The following BCAS3 variants were observed in gnomAD, a reference collection of about 807,000 sequenced individuals.
The protein encoded by BCAS3 is BCAS3 microtubule associated cell migration factor, also known as BCAS4/BCAS3 fusion.
Under a neutral mutation model 116.1 loss-of-function variants are expected in BCAS3, and 53 were observed. The observed-to-expected ratio is 0.46, with a 90% CI of 0.37 to 0.57. The LOEUF (loss-of-function observed/expected upper bound fraction) is 0.57, where lower values mean the gene tolerates loss of function less well. BCAS3 is among the 20% of genes least tolerant of loss of function. The pLI, the probability that BCAS3 is intolerant of heterozygous loss-of-function variation, is 0.00. For synonymous variants in BCAS3, 391 were observed against 408.2 expected (o/e 0.96, Z 0.51); for missense variants, 917 against 1,165.4 (o/e 0.79, Z 3.10).
intron 5 of BCAS3, among the ~76,000 whole-genome samples, chr17:60,737,993 G>T (rs985974897): frequency 2.0e-5 from 3 of 152,154 alleles, no homozygotes; most frequent in Middle Eastern, 3.4e-3. Context: ...CACCATGTTG[G>T]CCAGGCTGGT....
chr17:61,089,218 A>T (rs2073328473), intron 22 of BCAS3, among the ~76,000 whole-genome samples: 1 of 152,182 alleles, frequency 6.6e-6, no homozygotes, highest in South Asian at 2.1e-4. Context: ...TTACACACTT[A>T]AAATCCCAAA....
intron 22 of BCAS3, among the ~76,000 whole-genome samples, chr17:61,320,015 G>A (rs1037284873): frequency 2.7e-5 from 4 of 150,646 alleles, no homozygotes; most frequent in South Asian, 2.1e-4. Flanking sequence ...TCAGCCTCCC[G>A]AGCAGCTGGG....
At chr17:61,152,763 T>A (rs1475619716) in intron 22 of BCAS3, among the ~76,000 whole-genome samples, 1 of 152,156 alleles carries the variant, frequency 6.6e-6, no homozygotes, top group Non-Finnish European at 1.5e-5. Flanking sequence ...TCATTCTCCT[T>A]CCTCAAAGGA....
chr17:61,372,430 A>C (rs1275802585), intron 23 of BCAS3, among the ~76,000 whole-genome samples: 1 of 152,144 alleles, frequency 6.6e-6, no homozygotes, highest in Non-Finnish European at 1.5e-5. Flanking sequence ...TACTATCCAT[A>C]AACTGATGAT....
intron 22 of BCAS3, among the ~76,000 whole-genome samples, chr17:61,240,311 C>T (rs2047398699): frequency 6.6e-6 from 1 of 152,166 alleles, no homozygotes; most frequent in Non-Finnish European, 1.5e-5. Context: ...TCAGGTTTCT[C>T]TGATTCCAAG....
At chr17:61,371,194 A>G (rs970001040) in intron 23 of BCAS3, among the ~76,000 whole-genome samples, 4 of 152,250 alleles carry the variant, frequency 2.6e-5, no homozygotes, top group African/African-American at 9.6e-5. Context: ...AGCCTATTCT[A>G]TAGCACGCCT....
chr17:60,852,792 A>G (rs918007911), intron 7 of BCAS3, among the ~76,000 whole-genome samples: 1 of 152,214 alleles, frequency 6.6e-6, no homozygotes, highest in Admixed American at 6.5e-5. Flanking sequence ...AACATTGACA[A>G]TACCAAATGC....
intron 22 of BCAS3, among the ~76,000 whole-genome samples, chr17:61,091,819 G>A (rs188359847): frequency 5.7e-4 from 87 of 152,330 alleles, no homozygotes; most frequent in Non-Finnish European, 2.1e-4. Flanking sequence ...TAGTCTCAGC[G>A]GAGTCCCTTT....
chr17:60,747,364 C>A, intron 6 of BCAS3, 85 bp downstream of exon 6: 1 of 1,128,096 alleles, frequency 8.9e-7, no homozygotes, highest in Non-Finnish European at 1.3e-6. Context: ...AGAATGATAA[C>A]TAAAGTCTGT....
intron 15 of BCAS3, among the ~76,000 whole-genome samples, chr17:61,002,183 A>T (rs2064287349): frequency 6.6e-6 from 1 of 152,232 alleles, no homozygotes; most frequent in African/African-American, 2.4e-5. Context: ...AAATTAATTT[A>T]AAAATATTTT....
chr17:60,755,388 C>G (rs1390680128), intron 6 of BCAS3, among the ~76,000 whole-genome samples: 1 of 152,124 alleles, frequency 6.6e-6, no homozygotes, highest in African/African-American at 2.4e-5. Flanking sequence ...TATCCTAATT[C>G]ACAGGTGAGG....
In BCAS3 at chr17:61,056,433, T is replaced by C. The variant is rs182514454; in HGVS notation, c.2029+15541T>C. Among the ~76,000 whole-genome samples the C allele has an allele frequency of 1.7e-3, 258 of 152,326 alleles. 1 individual carries two copies. Among genetic ancestry groups the C allele is most frequent in the African/African-American group, 5.4e-3 (223 of 41,574 alleles). ...AGAACCACTTATTTTGCAAGTCATA[T>C]GAAGAAACGTTAAGAGGCAAATTAA... is the stretch of plus-strand genomic sequence containing the variant. On this transcript the variant is annotated intron_variant, in intron 19 of 23. Transcript: ENST00000407086. This position sits in a 1 kb window ranked among gnomAD's most constrained non-coding sequence, Gnocchi z 4.9.
intron 22 of BCAS3, among the ~76,000 whole-genome samples, chr17:61,168,660 A>G (rs1386559095): frequency 6.6e-6 from 1 of 152,220 alleles, no homozygotes; most frequent in Non-Finnish European, 1.5e-5. Flanking sequence ...GTTGTAGCAA[A>G]GGTTGGCAAA....
chr17:61,284,292 C>G (rs373126228), intron 22 of BCAS3, among the ~76,000 whole-genome samples: 10 of 152,176 alleles, frequency 6.6e-5, no homozygotes, highest in African/African-American at 2.4e-4. Flanking sequence ...TTTGTTCTTT[C>G]ACTCTTCACA....
chr17:60,862,331 G>A (rs920569586), intron 7 of BCAS3, among the ~76,000 whole-genome samples: 3 of 152,040 alleles, frequency 2.0e-5, no homozygotes, highest in African/African-American at 7.2e-5. Context: ...CATAGAATGA[G>A]TTAGGGGGAA....
intron 13 of BCAS3, among the ~76,000 whole-genome samples, chr17:60,928,181 A>G (rs1288358787): frequency 6.6e-6 from 1 of 152,196 alleles, no homozygotes; most frequent in Non-Finnish European, 1.5e-5. Context: ...TTGCAAATGC[A>G]CAAACAGGGT....
intron 22 of BCAS3, among the ~76,000 whole-genome samples, chr17:61,201,080 T>C (rs2080789123): frequency 6.6e-6 from 1 of 151,516 alleles, no homozygotes; most frequent in Non-Finnish European, 1.5e-5. Context: ...AATTAGGAGG[T>C]CTCTTTTAAA....
chr17:61,267,626 GATTAC>G (rs2049854359), intron 22 of BCAS3, among the ~76,000 whole-genome samples: 1 of 145,312 alleles, frequency 6.9e-6, no homozygotes, highest in Non-Finnish European at 1.5e-5. Flanking sequence ...AATCCTCCTG[GATTAC>G]AGGCACACAT....
intron 2 of BCAS3, among the ~76,000 whole-genome samples, chr17:60,681,564 T>G (rs1225542812): frequency 6.6e-6 from 1 of 151,046 alleles, no homozygotes; most frequent in Admixed American, 6.6e-5. Flanking sequence ...TTTTTTTTCT[T>G]TTTTTGAGAT....
Sources: gnomAD v4.1 joint callset for allele counts (sites outside exome capture counted in the v4.1 genomes callset) on GRCh38, gnomAD v4.1.1 for gene constraint, Gnocchi (gnomAD v3.1) non-coding constraint, MANE v1.5 for transcripts, NCBI Gene and HGNC (gene_info 2026-07-23, HGNC 2026-07-21) for gene names.